The following CLEC19A variants were observed in gnomAD, a reference collection of about 807,000 sequenced individuals.
CLEC19A encodes C-type lectin domain containing 19A, also known as C-type lectin domain family 19 member A.
A neutral mutation model predicts 26.1 loss-of-function variants in CLEC19A; 21 were observed. The ratio of observed to expected loss-of-function variants is 0.80; its 90% CI spans 0.57 to 1.16. The LOEUF (loss-of-function observed/expected upper bound fraction) is 1.16. CLEC19A is among the 50% of genes most tolerant of loss of function. CLEC19A has a pLI of 0.00. For missense variants in CLEC19A, 224 were observed against 227.6 expected (o/e 0.98, Z 0.10); for synonymous variants, 89 against 88.6 (o/e 1.00, Z -0.03).
chr16:19,297,745 CAT>C, intron 1 of CLEC19A, among the ~76,000 whole-genome samples: 1 of 152,000 alleles, frequency 6.6e-6, no homozygotes, highest in East Asian at 1.9e-4. Flanking sequence ...TGTAGAGTAC[CAT>C]ATAATCACAT....
At chr16:19,308,508 T>C (rs1898002838) in intron 4 of CLEC19A, among the ~76,000 whole-genome samples, 1 of 152,204 alleles carries the variant, frequency 6.6e-6, no homozygotes. Context: ...GAATCATCAC[T>C]TTCACACCAA....
chr16:19,301,880 C>T (rs1029226321), intron 2 of CLEC19A, among the ~76,000 whole-genome samples: 6 of 151,502 alleles, frequency 4.0e-5, no homozygotes, highest in African/African-American at 7.3e-5. Context: ...CATGAGCCAC[C>T]GCGCCCGGCC....
chr16:19,295,928 C>T (rs914384161), intron 1 of CLEC19A, among the ~76,000 whole-genome samples: 37 of 152,306 alleles, frequency 2.4e-4, no homozygotes, highest in African/African-American at 2.6e-4. Context: ...GACGCTTTAA[C>T]GCATCAAGAT....
At chr16:19,304,371 A>T (rs1281795553) in intron 3 of CLEC19A, 4 of 428,236 alleles carry the variant, frequency 9.3e-6, no homozygotes, top group Non-Finnish European at 1.7e-5. Context: ...ATGGTCAGAG[A>T]AAACCTGTTT....
At chr16:19,294,065 A>G (rs1445448668) in intron 1 of CLEC19A, among the ~76,000 whole-genome samples, 1 of 151,988 alleles carries the variant, frequency 6.6e-6, no homozygotes, top group Non-Finnish European at 1.5e-5. Context: ...TTCCCCACTA[A>G]CTACCCTTCC....
At chr16:19,302,663 G>T (rs912218224) in intron 2 of CLEC19A, among the ~76,000 whole-genome samples, 2 of 152,184 alleles carry the variant, frequency 1.3e-5, no homozygotes, top group African/African-American at 4.8e-5. Context: ...TGTCATCTGG[G>T]CCTGTGAATG....
chr16:19,304,067 A>G lies in CLEC19A; in HGVS notation c.260A>G (p.Glu87Gly), dbSNP rs1169985719. 3.2e-6 allele frequency: 5 copies of G among 1,548,692 alleles called. No individual in the cohort carries two copies. The South Asian group carries it at 4.8e-5, about 15-fold the overall frequency. The change falls in exon 3 of 5, where the codon GAG becomes GGG. Residue 87 changes from glutamate (E) to glycine (G), a missense_variant. Physicochemically the swap from Glu to Gly is moderately conservative, Grantham distance 98. Transcript: ENST00000636231. ...TATTATTCTTAAATTCGCAGCTGGG[A>G]GGAGAATGTCTTTGTATATGACCTC... is the stretch of plus-strand genomic sequence containing the variant. Reference protein sequence around the residue: ...SAKLASIHSWEENVFVYDLVN... With the variant: ...SAKLASIHSWGENVFVYDLVN...
intron 1 of CLEC19A, among the ~76,000 whole-genome samples, chr16:19,294,451 G>C (rs1897662074): frequency 6.6e-6 from 1 of 152,228 alleles, no homozygotes; most frequent in Non-Finnish European, 1.5e-5. Flanking sequence ...GGTAGGAGGG[G>C]AAGTCAGAGC....
At chr16:19,302,172 G>A (rs993566656) in intron 2 of CLEC19A, among the ~76,000 whole-genome samples, 5 of 152,024 alleles carry the variant, frequency 3.3e-5, no homozygotes, top group African/African-American at 1.2e-4. Context: ...TGCAGTGACT[G>A]GCTGGAGCAC....
chr16:19,301,750 TTTTTTTTTTTTTTTG>T (rs1567255485), intron 2 of CLEC19A, among the ~76,000 whole-genome samples: 12 of 130,166 alleles, frequency 9.2e-5, no homozygotes, highest in Admixed American at 1.6e-4. Flanking sequence ...TTTTTTTTTT[TTTTTTTTTTTTTTTG>T]TATTTTTAGC....
chr16:19,303,254 AGTCT>A (rs1897872891), intron 2 of CLEC19A, among the ~76,000 whole-genome samples: 1 of 152,236 alleles, frequency 6.6e-6, no homozygotes, highest in African/African-American at 2.4e-5. Flanking sequence ...TCTGTTTATC[AGTCT>A]ATCTATTCAT....
At chr16:19,305,663 G>A (rs1897936741) in intron 3 of CLEC19A, among the ~76,000 whole-genome samples, 1 of 152,170 alleles carries the variant, frequency 6.6e-6, no homozygotes, top group Admixed American at 6.5e-5. Context: ...TCTGTAAAAT[G>A]GGGATGAAAA....
chr16:19,297,206 C>G (rs1160397331), intron 1 of CLEC19A, among the ~76,000 whole-genome samples: 1 of 152,198 alleles, frequency 6.6e-6, no homozygotes, highest in Non-Finnish European at 1.5e-5. Context: ...AAATCCTGAA[C>G]TCCAGGAGTT....
At chr16:19,296,193 G>A (rs755879440) in intron 1 of CLEC19A, among the ~76,000 whole-genome samples, 8 of 152,202 alleles carry the variant, frequency 5.3e-5, no homozygotes, top group Non-Finnish European at 1.0e-4. Context: ...ACAGCCGCTG[G>A]GGTTGGGGAC....
intron 1 of CLEC19A, among the ~76,000 whole-genome samples, chr16:19,298,380 G>A (rs144727875): frequency 2.1e-3 from 314 of 151,924 alleles, no homozygotes; most frequent in Admixed American, 4.1e-3. Flanking sequence ...GTAAGACCTC[G>A]TCTCTACAAA....
chr16:19,306,120 G>A (rs561407754), intron 3 of CLEC19A, among the ~76,000 whole-genome samples: 1 of 151,656 alleles, frequency 6.6e-6, no homozygotes, highest in African/African-American at 2.4e-5. Flanking sequence ...TGGGATTACA[G>A]GCTTGAGCCA....
chr16:19,289,634 G>A (rs1335734276), intron 1 of CLEC19A, among the ~76,000 whole-genome samples: 6 of 152,180 alleles, frequency 3.9e-5, no homozygotes, highest in Admixed American at 2.0e-4. Context: ...CTCCTAGGCT[G>A]ATCTCAAGGA....
At chr16:19,292,250 TG>T (rs1897605597) in intron 1 of CLEC19A, among the ~76,000 whole-genome samples, 1 of 152,186 alleles carries the variant, frequency 6.6e-6, no homozygotes, top group Non-Finnish European at 1.5e-5. Context: ...AAGAATCACC[TG>T]GGGCTCTTAT....
chr16:19,296,441 G>A (rs56201878), intron 1 of CLEC19A, among the ~76,000 whole-genome samples: 2,450 of 152,274 alleles, frequency 0.016, 38 homozygotes, highest in South Asian at 0.039. Context: ...ATTAATAGCC[G>A]TACATTACAC....
Sources: allele counts gnomAD v4.1 joint callset (sites outside exome capture counted in the v4.1 genomes callset), GRCh38; gene constraint gnomAD v4.1.1; transcripts MANE v1.5; gene names NCBI Gene and HGNC (gene_info 2026-07-23, HGNC 2026-07-21).